The following FAM186A variants were observed in gnomAD, a reference collection of about 807,000 sequenced individuals.
FAM186A encodes protein FAM186A.
Under a neutral mutation model 216.8 loss-of-function variants are expected in FAM186A, and 163 were observed. The observed-to-expected ratio is 0.75, with a 90% confidence interval of 0.66 to 0.86. The LOEUF (loss-of-function observed/expected upper bound fraction) is 0.86. Ranked by LOEUF, FAM186A falls within the 40% of genes least tolerant of loss-of-function variation. The pLI, the probability that FAM186A is intolerant of heterozygous loss-of-function variation, is 0.00. For missense variants in FAM186A, 2,184 were observed against 2,746.2 expected, an observed-to-expected ratio of 0.80 and a Z score of 4.58; for synonymous variants, 805 against 1,025.3, an observed-to-expected ratio of 0.79 and a Z score of 4.10.
chr12:50,363,419 G>C (rs1222389815), intron 1 of FAM186A, 55 bp from the exon 2 acceptor site: 1 of 1,409,574 alleles, frequency 7.1e-7, no homozygotes, highest in African/African-American at 1.4e-5. Flanking sequence ...AGAAGCTTTG[G>C]TCATCTTTCT....
At chr12:50,328,423 AAAT>A (rs1260226826) in intron 7 of FAM186A, among the ~76,000 whole-genome samples, 1 of 152,206 alleles carries the variant, frequency 6.6e-6, no homozygotes, top group East Asian at 1.9e-4. Context: ...ACAACCAACA[AAAT>A]GATGATGTAG....
intron 3 of FAM186A, among the ~76,000 whole-genome samples, chr12:50,360,549 G>A (rs1943022691): frequency 6.6e-6 from 1 of 151,912 alleles, no homozygotes; most frequent in Non-Finnish European, 1.5e-5. Flanking sequence ...GCCAGGCGTG[G>A]TGGTACACGT....
At chr12:50,360,650 ACAC>A in intron 3 of FAM186A, 103 bp downstream of exon 3, 1 of 1,001,554 alleles carries the variant, frequency 1.0e-6, no homozygotes, top group South Asian at 1.9e-5. Context: ...AGGCCACTGC[ACAC>A]CAGCCTGGGT....
At chr12:50,391,639 T>G (rs1223404222) in intron 1 of FAM186A, among the ~76,000 whole-genome samples, 2 of 147,472 alleles carry the variant, frequency 1.4e-5, no homozygotes, top group African/African-American at 2.5e-5. Flanking sequence ...ACAGTCTCAC[T>G]GTCTCCAGTC....
At chr12:50,363,520 T>TA (rs981968924) in intron 1 of FAM186A, among the ~76,000 whole-genome samples, 156 bp from the exon 2 acceptor site, 133 of 151,630 alleles carry the variant, frequency 8.8e-4, no homozygotes, top group African/African-American at 2.8e-3. Context: ...TTTTCCCTCT[T>TA]AAAAAAAAAT....
intron 4 of FAM186A, among the ~76,000 whole-genome samples, chr12:50,342,098 T>G (rs368066582): frequency 6.6e-6 from 1 of 151,642 alleles, no homozygotes; most frequent in African/African-American, 2.4e-5. Flanking sequence ...GAAAAATCCT[T>G]AATAAAATAT....
At chr12:50,338,517 G>GTAAATATTA (rs1942733178) in intron 4 of FAM186A, among the ~76,000 whole-genome samples, 1 of 152,086 alleles carries the variant, frequency 6.6e-6, no homozygotes, top group Non-Finnish European at 1.5e-5. Context: ...ATTATTTGAA[G>GTAAATATTA]TAAATATTAT....
chr12:50,366,711 A>C (rs866948241), intron 1 of FAM186A, among the ~76,000 whole-genome samples: 43 of 150,398 alleles, frequency 2.9e-4, no homozygotes, highest in African/African-American at 9.7e-4. Flanking sequence ...TTCATTATTA[A>C]AAAAAAAAAA....
At position 50,394,569 on chromosome 12, in the gene FAM186A, T is replaced by TTATC. The variant is rs1045083670; in HGVS notation, c.192+1720_192+1723dup. Among the ~76,000 whole-genome samples, 568 of 151,066 alleles carry TTATC rather than the reference T, an allele frequency of 3.8e-3. 4 individuals carry two copies. The highest frequency in any genetic ancestry group is 0.013 in the African/African-American group (534 of 41,046). On this transcript the variant is annotated intron_variant, in intron 1 of 7. Transcript: ENST00000327337. Reference sequence around the variant, plus strand: ...GTCTGCCTCAAAAAAAAAAATCTATTTATCTATCTATCTATCTACCTATCT... The same window carrying TTATC: ...GTCTGCCTCAAAAAAAAAAATCTATTTATCTATCTATCTATCTATCTACCTATCT...
chr12:50,353,778 T>C lies in FAM186A; in HGVS notation c.3054A>G (p.Lys1018=). The C allele has an allele frequency of 6.4e-7, 1 of 1,551,652 alleles. No individual in the cohort carries two copies. The highest frequency in any genetic ancestry group is 8.7e-7 in the Non-Finnish European group (1 of 1,146,950). ...TTCCTTCATATGACCGCTGTACATC[T>C]TTCAATACACTCTTCCACCTGGGAG... is the stretch of plus-strand genomic sequence containing the variant. The part of the protein sequence containing the change: ...TLSPRWKSVL[K]DVQRSYEGKE... The change falls in exon 4 of 8, where the codon AAA becomes AAG. Residue 1018 remains lysine, a synonymous_variant. Transcript: ENST00000327337.
chr12:50,331,106 T>C (rs1942652171), intron 6 of FAM186A, among the ~76,000 whole-genome samples: 1 of 152,192 alleles, frequency 6.6e-6, no homozygotes, highest in Admixed American at 6.5e-5. Flanking sequence ...TAAGTTTCTT[T>C]ATTAAATATT....
At chr12:50,364,884 A>G (rs1027073210) in intron 1 of FAM186A, among the ~76,000 whole-genome samples, 1 of 152,030 alleles carries the variant, frequency 6.6e-6, no homozygotes, top group Non-Finnish European at 1.5e-5. Context: ...CTAAAAATAC[A>G]AAAAATAGCC....
rs1942896652 is a variant in FAM186A, at chr12:50,352,128, G to A, written c.4704C>T (p.Thr1568=). 1 of 1,542,446 alleles carries A rather than the reference G, an allele frequency of 6.5e-7. No homozygotes were observed. The highest frequency in any genetic ancestry group is 1.2e-5 in the South Asian group (1 of 83,354). Residue 1568 remains threonine (T), a synonymous_variant, in exon 4 of 8, where the codon ACC becomes ACT. Transcript: ENST00000327337. ...TCCCCAGGGCCTGGGCCTGCTGAGG[G>A]GTGAGAGGGATCTCCAATTCCTGAG... ...PQAQELEIPL[T]PQQAQALGIP... is the part of the protein sequence containing the mutation.
At chr12:50,332,205 GC>G (rs796833998) in intron 5 of FAM186A, among the ~76,000 whole-genome samples, 293 of 152,324 alleles carry the variant, frequency 1.9e-3, no homozygotes, top group African/African-American at 6.7e-3. Context: ...TGTAATGATA[GC>G]CAGCATTTAC....
At chr12:50,392,620 G>A (rs1943370090) in intron 1 of FAM186A, 1 of 149,052 alleles carries the variant, frequency 6.7e-6, no homozygotes, top group Admixed American at 6.8e-5. Flanking sequence ...TTTTTTTTGA[G>A]ACGGAGTCTC....
intron 4 of FAM186A, among the ~76,000 whole-genome samples, chr12:50,334,429 C>G (rs1373502008): frequency 6.6e-6 from 1 of 151,708 alleles, no homozygotes; most frequent in Non-Finnish European, 1.5e-5. Context: ...CTTGTCCTCC[C>G]AAAGTGCTGG....
Position 50,350,626 on chromosome 12 carries a change from C to A in FAM186A, c.6206G>T (p.Arg2069Leu), listed in dbSNP as rs769307859. The change falls in exon 4 of 8, where the codon CGA becomes CTA. Residue 2069 changes from arginine to leucine, a missense_variant. Around this residue, in one of 7 missense-constraint regions of FAM186A, gnomAD observed 721 missense variants for 816.4 expected, o/e 0.88. Coordinates refer to ENST00000327337, the MANE Select transcript of FAM186A (RefSeq NM_001145475.3). ...CCAGGGCTTGTCTATAGGAGGGAAT[C>A]GGGATTTCTGGTACCATTCCAAAGG... ...ISPLEWYQKSRFPPIDKPWIL... is the reference protein window; with the variant it reads ...ISPLEWYQKSLFPPIDKPWIL... 1.4e-5 allele frequency: 22 copies of A among 1,551,546 alleles called. No individual in the cohort carries two copies. The highest frequency in any genetic ancestry group is 1.9e-5 in the Non-Finnish European group (22 of 1,146,968).
At chr12:50,378,187 A>AGG in intron 1 of FAM186A, among the ~76,000 whole-genome samples, 1 of 150,128 alleles carries the variant, frequency 6.7e-6, no homozygotes, top group South Asian at 2.1e-4. Context: ...TTGCGACATT[A>AGG]CACTCCAGCC....
intron 1 of FAM186A, among the ~76,000 whole-genome samples, chr12:50,385,156 A>G (rs1002107926): frequency 2.0e-5 from 3 of 148,836 alleles, no homozygotes; most frequent in African/African-American, 7.3e-5. Context: ...GTGGTGGCTC[A>G]TGCCTGTAAT....
Sources: gnomAD v4.1 joint callset for allele counts (sites outside exome capture counted in the v4.1 genomes callset) on GRCh38, gnomAD v4.1.1 for gene constraint, gnomAD v4.1.1 regional missense constraint, MANE v1.5 for transcripts, NCBI Gene and HGNC (gene_info 2026-07-23, HGNC 2026-07-21) for gene names.